Variants in CIMAP2 observed in about 807,000 individuals in gnomAD.
CIMAP2 encodes the protein ciliary microtubule-associated protein 2.
At chr1:54,822,534 G>A in the CIMAP2 span, among the ~76,000 whole-genome samples, 1 of 151,992 alleles carries the variant, frequency 6.6e-6, no homozygotes, top group Non-Finnish European at 1.5e-5. Flanking sequence ...CTTTTTTGAT[G>A]TAGGCATTTA....
chr1:54,811,767 C>CGGGGGGGGGGGGGCGG, the CIMAP2 span: 2 of 1,088,170 alleles, frequency 1.8e-6, no homozygotes, highest in Non-Finnish European at 2.7e-6. Flanking sequence ...TTCTGACAGC[C>CGGGGGGGGGGGGGCGG]TCCATGCCCC....
the CIMAP2 span, chr1:54,807,545 C>A: frequency 1.3e-6 from 2 of 1,583,938 alleles, no homozygotes; most frequent in Admixed American, 1.8e-5. Flanking sequence ...GGCCCTGGGA[C>A]TTACAGCTCC....
At chr1:54,819,926 CCA>C in the CIMAP2 span, among the ~76,000 whole-genome samples, 1 of 105,004 alleles carries the variant, frequency 9.5e-6, no homozygotes, top group Non-Finnish European at 1.8e-5. Context: ...TCCCTCCCCC[CCA>C]TATTTCTTTT....
At chr1:54,824,058 GT>G in the CIMAP2 span, among the ~76,000 whole-genome samples, 67 of 151,936 alleles carry the variant, frequency 4.4e-4, 1 homozygote, top group Middle Eastern at 3.4e-3. Context: ...TTCTCGCTCT[GT>G]CACTCAGGCT....
chr1:54,813,436 C>G, the CIMAP2 span, among the ~76,000 whole-genome samples: 1 of 152,238 alleles, frequency 6.6e-6, no homozygotes, highest in Non-Finnish European at 1.5e-5. Context: ...CCGTCCAAAT[C>G]CTCTGTGCTC....
At chr1:54,808,490 A>G in the CIMAP2 span, among the ~76,000 whole-genome samples, 2 of 152,000 alleles carry the variant, frequency 1.3e-5, no homozygotes, top group African/African-American at 4.8e-5. Context: ...GCAGGAGGCC[A>G]GTGTGGCCAG....
the CIMAP2 span, among the ~76,000 whole-genome samples, chr1:54,815,952 G>A: frequency 6.6e-6 from 1 of 151,012 alleles, no homozygotes; most frequent in Non-Finnish European, 1.5e-5. Flanking sequence ...AGTGTGCCCA[G>A]ACCCCAGTGA....
the CIMAP2 span, among the ~76,000 whole-genome samples, chr1:54,812,933 AG>A: frequency 1.6e-4 from 24 of 152,282 alleles, no homozygotes; most frequent in African/African-American, 5.8e-4. Context: ...AGTGCTGAGG[AG>A]GGTGGTGGTT....
At chr1:54,826,852 C>T in the CIMAP2 span, among the ~76,000 whole-genome samples, 1 of 152,246 alleles carries the variant, frequency 6.6e-6, no homozygotes, top group African/African-American at 2.4e-5. Flanking sequence ...TCATTTGCTA[C>T]ATTCAACGTG....
the CIMAP2 span, among the ~76,000 whole-genome samples, chr1:54,820,270 C>T: frequency 7.2e-5 from 11 of 151,876 alleles, no homozygotes; most frequent in Middle Eastern, 6.8e-3. Context: ...CAGGCTCAAG[C>T]AATTCCCCAA....
chr1:54,807,004 T>A, the CIMAP2 span: 1 of 1,613,764 alleles, frequency 6.2e-7, no homozygotes, highest in African/African-American at 1.3e-5. Context: ...AGGTTTGACA[T>A]CTCTGCTGTT....
the CIMAP2 span, chr1:54,817,164 G>A: frequency 1.2e-6 from 2 of 1,609,792 alleles, no homozygotes; most frequent in South Asian, 2.2e-5. Context: ...CGAGGGCGGT[G>A]GGGGGTCTTA....
chr1:54,817,165 G>A, the CIMAP2 span: 2 of 1,610,194 alleles, frequency 1.2e-6, no homozygotes, highest in East Asian at 2.2e-5. Context: ...GAGGGCGGTG[G>A]GGGGTCTTAC....
At chr1:54,818,736 C>G in the CIMAP2 span, among the ~76,000 whole-genome samples, 1 of 149,046 alleles carries the variant, frequency 6.7e-6, no homozygotes, top group Non-Finnish European at 1.5e-5. Context: ...GGATTACAAG[C>G]ATGCACCACC....
chr1:54,817,766 ATTCTG>A, the CIMAP2 span, among the ~76,000 whole-genome samples: 1 of 24,916 alleles, frequency 4.0e-5, no homozygotes, highest in African/African-American at 9.2e-5. Context: ...TGAGGACCAG[ATTCTG>A]AGGACCAGAT....
At chr1:54,824,714 C>G in the CIMAP2 span, among the ~76,000 whole-genome samples, 2 of 151,830 alleles carry the variant, frequency 1.3e-5, no homozygotes, top group East Asian at 1.9e-4. Context: ...TTGTTCAGTT[C>G]TAGGATTTCT....
chr1:54,817,269 C>A, the CIMAP2 span: 3 of 1,127,268 alleles, frequency 2.7e-6, no homozygotes, highest in Non-Finnish European at 3.7e-6. Context: ...AGTGGAGGGA[C>A]GTTCACGTTC....
chr1:54,807,531 C>A, the CIMAP2 span: 1 of 1,561,958 alleles, frequency 6.4e-7, no homozygotes, highest in Non-Finnish European at 8.7e-7. Flanking sequence ...CTCAGTCCCA[C>A]ATAGGCCCTG....
At chr1:54,820,929 C>T in the CIMAP2 span, among the ~76,000 whole-genome samples, 2 of 152,018 alleles carry the variant, frequency 1.3e-5, no homozygotes, top group Non-Finnish European at 2.9e-5. Context: ...CCACCACCCC[C>T]GGCTAATTTT....
Sources: allele counts gnomAD v4.1 joint callset (sites outside exome capture counted in the v4.1 genomes callset), GRCh38; gene constraint gnomAD v4.1.1; transcripts MANE v1.5; gene names NCBI Gene and HGNC (gene_info 2026-07-23, HGNC 2026-07-21).